The following SLC39A8 variants were observed in gnomAD, a reference collection of about 807,000 sequenced individuals.
SLC39A8 encodes the protein metal cation symporter ZIP8.
In SLC39A8, 15 loss-of-function variants were observed where a neutral mutation model predicts 40.4. The observed-to-expected ratio is 0.37, with a 90% confidence interval of 0.25 to 0.57. The LOEUF (loss-of-function observed/expected upper bound fraction) is 0.57. Ranked by LOEUF, SLC39A8 falls within the 20% of genes least tolerant of loss-of-function variation. The pLI, the probability that SLC39A8 is intolerant of heterozygous loss-of-function variation, is 0.75. For synonymous variants in SLC39A8, 223 were observed against 221.6 expected, an observed-to-expected ratio of 1.01 and a Z score of -0.06; for missense variants, 472 against 558.8, an observed-to-expected ratio of 0.84 and a Z score of 1.57.
intron 2 of SLC39A8, among the ~76,000 whole-genome samples, chr4:102,323,728 A>T (rs544488229): frequency 6.6e-6 from 1 of 152,380 alleles, no homozygotes; most frequent in African/African-American, 2.4e-5. Context: ...ACGGTACAAG[A>T]TTAAACAATG....
intron 6 of SLC39A8, among the ~76,000 whole-genome samples, chr4:102,281,825 G>C (rs926153437): frequency 2.0e-5 from 3 of 152,150 alleles, no homozygotes; most frequent in Non-Finnish European, 4.4e-5. Context: ...CCCTCTGAAA[G>C]CTGTCACTGT....
chr4:102,287,022 T>C (rs941072169), intron 6 of SLC39A8, among the ~76,000 whole-genome samples: 13 of 152,164 alleles, frequency 8.5e-5, no homozygotes, highest in Non-Finnish European at 1.5e-5. Flanking sequence ...GTCACTGTAC[T>C]TAACTGGATC....
intron 6 of SLC39A8, among the ~76,000 whole-genome samples, chr4:102,272,826 C>A (rs1258911904): frequency 6.6e-6 from 1 of 151,884 alleles, no homozygotes; most frequent in Non-Finnish European, 1.5e-5. Flanking sequence ...GGGTGAGGAC[C>A]CAGGAAGTGC....
intron 2 of SLC39A8, among the ~76,000 whole-genome samples, chr4:102,342,498 CA>C (rs1235468809): frequency 2.0e-5 from 3 of 149,894 alleles, no homozygotes; most frequent in Non-Finnish European, 3.0e-5. Flanking sequence ...AACTCAGTCT[CA>C]AAAAAAAAGC....
intron 2 of SLC39A8, among the ~76,000 whole-genome samples, chr4:102,337,461 A>T (rs1407744214): frequency 6.6e-6 from 1 of 152,154 alleles, no homozygotes; most frequent in East Asian, 1.9e-4. Context: ...AGAAAGATCT[A>T]TCCCAATTAT....
intron 2 of SLC39A8, among the ~76,000 whole-genome samples, chr4:102,337,418 A>G (rs1735721326): frequency 6.6e-6 from 1 of 152,166 alleles, no homozygotes; most frequent in Admixed American, 6.5e-5. Flanking sequence ...TCCCACCCAG[A>G]TGAGAGAACA....
chr4:102,261,873 A>G lies in SLC39A8; in HGVS notation c.*1171T>C. 1.0e-6 allele frequency: 1 copy of G among 985,844 alleles called. No individual in the cohort carries two copies. Among genetic ancestry groups the G allele is most frequent in the South Asian group, 4.7e-5 (1 of 21,288 alleles). The allele number at this position is 985,844 out of a possible 1,614,324, so 61.1% of individuals were successfully genotyped here. A position where few individuals can be genotyped will look rare whatever the true frequency, so the allele number is the denominator to read the frequency against. Reference sequence around the variant, plus strand: ...TTTTCCTCACCATCAAATCACCTTAAGTGACTTGGGAGTGTGAATCTAGGA... The same window carrying G: ...TTTTCCTCACCATCAAATCACCTTAGGTGACTTGGGAGTGTGAATCTAGGA... On this transcript the variant is annotated 3_prime_UTR_variant, in exon 9 of 9. Transcript: ENST00000356736.
In SLC39A8 at chr4:102,268,460, T is replaced by C. The variant is rs980962406; in HGVS notation, c.841-381A>G. 1.1e-4 allele frequency among the ~76,000 whole-genome samples: 17 copies of C among 152,248 alleles called. 1 individual carries two copies. Among genetic ancestry groups the C allele is most frequent in the African/African-American group, 4.1e-4 (17 of 41,466 alleles). On this transcript the variant is annotated intron_variant, in intron 6 of 8. Coordinates refer to ENST00000356736, the MANE Select transcript of SLC39A8 (RefSeq NM_001135146.2). ...CAAAGACTAAACTTAAAGTCTTTTT[T>C]ATGTTACAATTTAAATGTGAAATCC...
intron 6 of SLC39A8, among the ~76,000 whole-genome samples, chr4:102,297,741 AC>A (rs1733743345): frequency 6.6e-6 from 1 of 151,820 alleles, no homozygotes; most frequent in Non-Finnish European, 1.5e-5. Flanking sequence ...ACATAGCAAG[AC>A]CCCATTTCTA....
At chr4:102,281,114 A>G (rs1732849942) in intron 6 of SLC39A8, among the ~76,000 whole-genome samples, 1 of 152,198 alleles carries the variant, frequency 6.6e-6, no homozygotes, top group Non-Finnish European at 1.5e-5. Flanking sequence ...AGGACACAGG[A>G]TATCATTTCT....
chr4:102,259,723 T>TTCTTTACCACATGTAAA (rs1238585490), downstream of SLC39A8, among the ~76,000 whole-genome samples: 1 of 152,224 alleles, frequency 6.6e-6, no homozygotes, highest in African/African-American at 2.4e-5. Flanking sequence ...CCTAGCAGAC[T>TTCTTTACCACATGTAAA]GTTTCTGCTT....
chr4:102,268,119 G>C, intron 6 of SLC39A8, 40 bp from the exon 7 acceptor site: 1 of 1,597,366 alleles, frequency 6.3e-7, no homozygotes, highest in Non-Finnish European at 8.6e-7. Context: ...AACATTTCTT[G>C]AAAGTCTCAG....
Position 102,262,609 on chromosome 4 carries a change from C to A in SLC39A8, c.*435G>T, listed in dbSNP as rs1266792092. On this transcript the variant is annotated 3_prime_UTR_variant, in exon 9 of 9. Coordinates refer to ENST00000356736, the MANE Select transcript of SLC39A8 (RefSeq NM_001135146.2). ...CCTTCTACATTTTGATGTACTTGCTCTTGAAAGCACTAGAACAAATTAATT... is the reference window on the plus strand; with the variant it reads ...CCTTCTACATTTTGATGTACTTGCTATTGAAAGCACTAGAACAAATTAATT... The A allele has an allele frequency of 1.5e-5, 15 of 985,546 alleles. No homozygotes were observed. Among genetic ancestry groups the A allele is most frequent in the African/African-American group, 1.7e-5 (1 of 57,216 alleles). 61.1% of individuals were successfully genotyped at this position (985,546 alleles called of 1,614,324 possible).
chr4:102,330,811 A>C (rs1169526772), intron 2 of SLC39A8, among the ~76,000 whole-genome samples: 2 of 152,214 alleles, frequency 1.3e-5, no homozygotes, highest in African/African-American at 4.8e-5. Flanking sequence ...CAGCACATCA[A>C]AAAGCTTATC....
At chr4:102,320,601 T>C (rs1734920736) in intron 2 of SLC39A8, among the ~76,000 whole-genome samples, 1 of 2 alleles carries the variant, frequency 0.5, no homozygotes, top group Non-Finnish European at 0.5. Context: ...AATATATATA[T>C]GAGAGTATAT....
At chr4:102,326,682 A>G (rs933901886) in intron 2 of SLC39A8, among the ~76,000 whole-genome samples, 1 of 152,230 alleles carries the variant, frequency 6.6e-6, no homozygotes, top group Admixed American at 6.5e-5. Context: ...TATAAATCAC[A>G]TATATTAAGG....
intron 11 of SLC39A8, among the ~76,000 whole-genome samples, chr4:102,256,067 A>G (rs1560520344): frequency 6.6e-6 from 1 of 152,204 alleles, no homozygotes; most frequent in Non-Finnish European, 1.5e-5. Context: ...ACAGTTTCTA[A>G]GCTTCTAAAA....
intron 6 of SLC39A8, among the ~76,000 whole-genome samples, chr4:102,291,112 A>AT (rs545628470): frequency 5.6e-4 from 82 of 147,402 alleles, no homozygotes; most frequent in African/African-American, 3.5e-4. Context: ...CTTCTCCCTC[A>AT]TTTTTTTTTC....
At chr4:102,292,113 G>C (rs1468774501) in intron 6 of SLC39A8, among the ~76,000 whole-genome samples, 1 of 151,886 alleles carries the variant, frequency 6.6e-6, no homozygotes, top group Non-Finnish European at 1.5e-5. Context: ...AAGATTTAGA[G>C]CTCTATTACA....
Sources: gnomAD v4.1 joint callset for allele counts (sites outside exome capture counted in the v4.1 genomes callset) on GRCh38, gnomAD v4.1.1 for gene constraint, MANE v1.5 for transcripts, NCBI Gene and HGNC (gene_info 2026-07-23, HGNC 2026-07-21) for gene names.